The following CDH4 variants were observed in gnomAD, a reference collection of about 807,000 sequenced individuals.
CDH4 encodes cadherin-4.
CDH4 carries 33 observed loss-of-function variants against 86.0 expected under a neutral mutation model. The ratio of observed to expected loss-of-function variants is 0.38; its 90% CI spans 0.29 to 0.51. The LOEUF (loss-of-function observed/expected upper bound fraction) is 0.51, where lower values mean the gene tolerates loss of function less well. CDH4 is among the 20% of genes least tolerant of loss of function. The pLI is 0.86. For missense variants in CDH4, 1,114 were observed against 1,307.4 expected (o/e 0.85, Z 2.28); for synonymous variants, 555 against 549.4 (o/e 1.01, Z -0.14).
At chr20:61,669,783 A>G (rs1375595297) in intron 2 of CDH4, among the ~76,000 whole-genome samples, 1 of 152,172 alleles carries the variant, frequency 6.6e-6, no homozygotes, top group Admixed American at 6.5e-5. Context: ...ATAACTTCTG[A>G]CAGCTGTATT....
intron 2 of CDH4, among the ~76,000 whole-genome samples, chr20:61,657,783 G>A (rs940998496): frequency 1.3e-5 from 2 of 152,326 alleles, no homozygotes; most frequent in Non-Finnish European, 2.9e-5. Context: ...GAGCTACATG[G>A]GATTTGTGAT....
intron 2 of CDH4, among the ~76,000 whole-genome samples, chr20:61,696,132 A>G (rs1286721788): frequency 6.6e-6 from 1 of 152,224 alleles, no homozygotes; most frequent in Non-Finnish European, 1.5e-5. Flanking sequence ...GGAAGGGGCC[A>G]TGTCTGTGCC....
intron 2 of CDH4, among the ~76,000 whole-genome samples, chr20:61,700,114 G>A (rs889309285): frequency 6.6e-6 from 1 of 152,200 alleles, no homozygotes; most frequent in Non-Finnish European, 1.5e-5. Context: ...TTCTCCTGGT[G>A]CCTCAAAGGT....
intron 2 of CDH4, among the ~76,000 whole-genome samples, chr20:61,472,731 A>G (rs1006489217): frequency 1.6e-4 from 25 of 152,218 alleles, no homozygotes; most frequent in Admixed American, 9.8e-4. Flanking sequence ...ATCATTATTA[A>G]TTTAGTTTTT....
intron 4 of CDH4, among the ~76,000 whole-genome samples, chr20:61,808,669 C>G (rs1980267665): frequency 6.6e-6 from 1 of 152,250 alleles, no homozygotes; most frequent in Non-Finnish European, 1.5e-5. Context: ...ACGCCCCTCC[C>G]CAGGCTGTGA....
At chr20:61,292,360 A>T (rs1353040978) in intron 2 of CDH4, among the ~76,000 whole-genome samples, 2 of 152,210 alleles carry the variant, frequency 1.3e-5, no homozygotes. Flanking sequence ...GTTGATAAGG[A>T]TGTGAAACGC....
At chr20:61,817,550 A>T (rs895440192) in intron 4 of CDH4, among the ~76,000 whole-genome samples, 4 of 151,656 alleles carry the variant, frequency 2.6e-5, no homozygotes, top group African/African-American at 9.7e-5. Flanking sequence ...CTCAGGCTGG[A>T]GTGCAGTGGG....
At chr20:61,802,956 G>A (rs1427567161) in intron 4 of CDH4, among the ~76,000 whole-genome samples, 1 of 152,188 alleles carries the variant, frequency 6.6e-6, no homozygotes, top group Non-Finnish European at 1.5e-5. Flanking sequence ...CCTGGGTCTG[G>A]CTCTCTCCAA....
At chr20:61,566,129 T>C (rs1164001419) in intron 2 of CDH4, among the ~76,000 whole-genome samples, 2 of 152,082 alleles carry the variant, frequency 1.3e-5, no homozygotes, top group Non-Finnish European at 2.9e-5. Flanking sequence ...GCTGCTCTCG[T>C]CCCCGACAGA....
chr20:61,430,360 G>A (rs1034121109), intron 2 of CDH4, among the ~76,000 whole-genome samples: 1 of 152,156 alleles, frequency 6.6e-6, no homozygotes, highest in Non-Finnish European at 1.5e-5. Flanking sequence ...CAGCTTTGAC[G>A]CCCGGCTCAT....
intron 4 of CDH4, among the ~76,000 whole-genome samples, chr20:61,797,899 T>C (rs780113685): frequency 2.0e-5 from 3 of 152,222 alleles, no homozygotes; most frequent in Non-Finnish European, 4.4e-5. Flanking sequence ...AGGGCATGGC[T>C]GCAGGACACG....
At chr20:61,453,274 T>C (rs892966103) in intron 2 of CDH4, among the ~76,000 whole-genome samples, 1 of 152,100 alleles carries the variant, frequency 6.6e-6, no homozygotes, top group Admixed American at 6.5e-5. Context: ...GTGGCAGTGA[T>C]GGGGGATTAT....
intron 2 of CDH4, among the ~76,000 whole-genome samples, chr20:61,324,469 G>A (rs894596219): frequency 2.6e-5 from 4 of 152,138 alleles, no homozygotes; most frequent in African/African-American, 9.7e-5. Flanking sequence ...CCAGCTCCTG[G>A]TGGCTGCTGG....
intron 5 of CDH4, among the ~76,000 whole-genome samples, chr20:61,851,444 G>A (rs771535217): frequency 2.0e-5 from 3 of 152,208 alleles, no homozygotes; most frequent in South Asian, 2.1e-4. Flanking sequence ...CCCTGAGTTC[G>A]GGGGAGTGGC....
At chr20:61,657,205 TCTC>T (rs1485023422) in intron 2 of CDH4, among the ~76,000 whole-genome samples, 1 of 152,180 alleles carries the variant, frequency 6.6e-6, no homozygotes, top group Non-Finnish European at 1.5e-5. Context: ...AGGAGTCAGA[TCTC>T]CTTCTCATCC....
intron 2 of CDH4, among the ~76,000 whole-genome samples, chr20:61,294,761 C>T (rs991948115): frequency 2.0e-5 from 3 of 152,264 alleles, no homozygotes; most frequent in Admixed American, 6.5e-5. Context: ...GACAACAGAG[C>T]TGAAAGCTGG....
At chr20:61,798,301 G>T (rs182616467) in intron 4 of CDH4, among the ~76,000 whole-genome samples, 1 of 152,060 alleles carries the variant, frequency 6.6e-6, no homozygotes, top group African/African-American at 2.4e-5. Flanking sequence ...ACGCATCCCC[G>T]CTGTGGGCGG....
Position 61,627,554 on chromosome 20 carries a change from C to T in CDH4, c.170-116009C>T, listed in dbSNP as rs556218554. ...GTGTCCCCTGCGGAGCAGATGTGCC[C>T]GCATGGAGAGCTCTTTGTGTCGACC... On this transcript the variant is annotated intron_variant, in intron 2 of 15. Coordinates refer to ENST00000614565, the MANE Select transcript of CDH4 (RefSeq NM_001794.5). 3.5e-3 allele frequency among the ~76,000 whole-genome samples: 540 copies of T among 152,274 alleles called. 1 individual carries two copies. Among genetic ancestry groups the T allele is most frequent in the African/African-American group, 0.012 (497 of 41,566 alleles).
chr20:61,595,815 GAACT>G (rs1312297185), intron 2 of CDH4, among the ~76,000 whole-genome samples: 1 of 152,196 alleles, frequency 6.6e-6, no homozygotes, highest in Non-Finnish European at 1.5e-5. Context: ...TGGGAAAGAT[GAACT>G]ATCAGGGACC....
Sources: gnomAD v4.1 joint callset for allele counts (sites outside exome capture counted in the v4.1 genomes callset) on GRCh38, gnomAD v4.1.1 for gene constraint, MANE v1.5 for transcripts, NCBI Gene and HGNC (gene_info 2026-07-23, HGNC 2026-07-21) for gene names.